The following SLC13A5 variants were observed in gnomAD, a reference collection of about 807,000 sequenced individuals.
The protein encoded by SLC13A5 is solute carrier family 13 member 5, also known as Na(+)/citrate cotransporter.
Under a neutral mutation model 56.5 loss-of-function variants are expected in SLC13A5, and 25 were observed. The observed-to-expected ratio is 0.44, with a 90% CI of 0.32 to 0.62. The LOEUF is 0.62. SLC13A5 is among the 20% of genes least tolerant of loss of function. The pLI, the probability that SLC13A5 is intolerant of heterozygous loss-of-function variation, is 0.04. For synonymous variants in SLC13A5, 307 were observed against 301.5 expected, an observed-to-expected ratio of 1.02 and a Z score of -0.19; for missense variants, 649 against 737.8, an observed-to-expected ratio of 0.88 and a Z score of 1.39.
chr17:6,698,692 A>T (rs2151489913), intron 6 of SLC13A5, among the ~76,000 whole-genome samples: 1 of 152,294 alleles, frequency 6.6e-6, no homozygotes, highest in Non-Finnish European at 1.5e-5. Context: ...GTAAATTGGG[A>T]ATAATAATAA....
intron 3 of SLC13A5, 89 bp downstream of exon 3, chr17:6,706,553 T>A (rs1973868068): frequency 6.6e-7 from 1 of 1,522,314 alleles, no homozygotes; most frequent in Non-Finnish European, 8.9e-7. Context: ...CCCTCACCAG[T>A]GGATGGCCTG....
Position 6,694,251 on chromosome 17 carries a change from C to G in SLC13A5, c.1056-54G>C, listed in dbSNP as rs564583083. 3.2e-5 allele frequency: 33 copies of G among 1,038,318 alleles called. 2 individuals carry two copies. In the South Asian group the frequency reaches 4.2e-4, roughly 13 times the overall value. 64.3% of individuals were successfully genotyped at this position (1,038,318 alleles called of 1,614,324 possible). Reference sequence around the variant, plus strand: ...CGACAGAGACAGTCACTCAACAAACCCATCACAACTCCGGCAGTTCTGTGT... The same window carrying G: ...CGACAGAGACAGTCACTCAACAAACGCATCACAACTCCGGCAGTTCTGTGT... On this transcript the variant is annotated intron_variant, in intron 7 of 11. Coordinates refer to ENST00000433363, the MANE Select transcript of SLC13A5 (RefSeq NM_177550.5).
At position 6,690,817 on chromosome 17, in the gene SLC13A5, C is replaced by T. The variant is rs1406738988; in HGVS notation, c.1399G>A (p.Ala467Thr). Residue 467 changes from alanine to threonine, a missense_variant, in exon 10 of 12, where the codon GCC becomes ACC. Transcript: ENST00000433363. ...ATGGGCAGGAACAAGGTGGTGGTGG[C>T]CACGTTGCTTGTGCACTCAGTGAAC... is the stretch of plus-strand genomic sequence containing the variant. Reference protein sequence around the residue: ...AVFTECTSNVATTTLFLPIFA... With the variant: ...AVFTECTSNVTTTTLFLPIFA... 1 of 1,614,206 alleles carries T rather than the reference C, an allele frequency of 6.2e-7. No homozygotes were observed. The highest frequency in any genetic ancestry group is 1.3e-5 in the African/African-American group (1 of 75,064).
chr17:6,688,254 A>G (rs958233255), intron 10 of SLC13A5: 5 of 152,262 alleles, frequency 3.3e-5, no homozygotes, highest in African/African-American at 1.2e-4. Flanking sequence ...TATCATGCAC[A>G]TGAGGGCAGA....
Position 6,713,298 on chromosome 17 carries a change from C to G in SLC13A5, c.36G>C (p.Lys12Asn), listed in dbSNP as rs774282356. Residue 12 changes from lysine to asparagine, a missense_variant, in exon 1 of 12, where the codon AAG (lysine) becomes AAC (asparagine). Coordinates refer to ENST00000433363, the MANE Select transcript of SLC13A5 (RefSeq NM_177550.5). This position sits in a 1 kb window ranked among gnomAD's most constrained non-coding sequence, Gnocchi z 7.3. ...ASALSYVSKF[K>N]SFVILFVTPL... ...GGGTGACGAACAAGATCACGAAGGA[C>G]TTGAACTTGGAGACATAGCTCAGCG... 1 of 1,614,050 alleles carries G rather than the reference C, an allele frequency of 6.2e-7. No homozygotes were observed. The highest frequency in any genetic ancestry group is 8.5e-7 in the Non-Finnish European group (1 of 1,179,938).
intron 1 of SLC13A5, among the ~76,000 whole-genome samples, chr17:6,712,153 G>A (rs1372886142): frequency 6.6e-6 from 1 of 152,230 alleles, no homozygotes; most frequent in Admixed American, 6.5e-5. Flanking sequence ...AATGGTGGAA[G>A]TCCAGTTCTC....
chr17:6,686,500 A>G (rs1711606591), intron 11 of SLC13A5, 162 bp from the exon 12 acceptor site: 1 of 768,334 alleles, frequency 1.3e-6, no homozygotes. Context: ...CATGTCCCCC[A>G]GGTATCCTCA....
chr17:6,686,241 G>A lies in SLC13A5; in HGVS notation c.1673C>T (p.Pro558Leu), dbSNP rs769020153. 5 of 1,614,034 alleles carry A rather than the reference G, an allele frequency of 3.1e-6. No homozygotes were observed. In the African/African-American group the frequency reaches 4.0e-5, roughly 13 times the overall value. ...GRAIFDLDHF[P>L]DWANVTHIET is the part of the protein sequence containing the mutation. The stretch of plus-strand genomic sequence containing the variant: ...AATATGTGTCACATTAGCCCAGTCA[G>A]GGAAATGATCCAAGTCAAATATGGC... Residue 558 changes from proline to leucine, a missense_variant, in exon 12 of 12, where the codon CCT becomes CTT. Transcript: ENST00000433363.
chr17:6,704,475 C>T (rs1312240571), intron 3 of SLC13A5: 1 of 339,716 alleles, frequency 2.9e-6, no homozygotes, highest in Admixed American at 3.8e-5. Context: ...CTTCCCACTT[C>T]TGGCTAGGAA....
At position 6,686,108 on chromosome 17, in the gene SLC13A5, A is replaced by G. The variant is rs1973241168; in HGVS notation, c.*99T>C. Reference sequence around the variant, plus strand: ...GGTGGTGTGTGGACATCGTTGGGTCATTTTGGGGTGTGAACCCCAAAACTC... The same window carrying G: ...GGTGGTGTGTGGACATCGTTGGGTCGTTTTGGGGTGTGAACCCCAAAACTC... On this transcript the variant is annotated 3_prime_UTR_variant, in exon 12 of 12. Transcript: ENST00000433363. The G allele has an allele frequency of 6.5e-7, 1 of 1,543,540 alleles. No individual in the cohort carries two copies. The highest frequency in any genetic ancestry group is 8.8e-7 in the Non-Finnish European group (1 of 1,135,322).
chr17:6,687,178 C>G lies in SLC13A5; in HGVS notation c.1575+351G>C. On this transcript the variant is annotated intron_variant, in intron 11 of 11. Coordinates refer to ENST00000433363, the MANE Select transcript of SLC13A5 (RefSeq NM_177550.5). The surrounding 1 kb of genome is among the most constrained non-coding windows in gnomAD (Gnocchi z 5.0). ...CATCCCCCTGCTGCCTAAGCCTGCC[C>G]TGCCTATCTTCATGGTTCTTGCTAA... 3.8e-6 allele frequency: 1 copy of G among 264,716 alleles called. No homozygotes were observed. Among genetic ancestry groups the G allele is most frequent in the South Asian group, 4.0e-5 (1 of 24,716 alleles). The allele number at this position is 264,716 out of a possible 1,614,324, so 16.4% of individuals were successfully genotyped here.
intron 7 of SLC13A5, chr17:6,695,472 C>T (rs558282188): frequency 4.8e-6 from 2 of 416,450 alleles, no homozygotes; most frequent in South Asian, 4.8e-5. Context: ...TCACTGCAAC[C>T]TCTGCCTCCT....
chr17:6,687,670 CG>C lies in SLC13A5; in HGVS notation c.1438-5del, dbSNP rs751521595. On this transcript the variant is annotated splice_polypyrimidine_tract_variant and splice_region_variant and intron_variant, in intron 10 of 11. Coordinates refer to ENST00000433363, the MANE Select transcript of SLC13A5 (RefSeq NM_177550.5). This position sits in a 1 kb window ranked among gnomAD's most constrained non-coding sequence, Gnocchi z 5.0. ...GATTGAGGCCGATGGAGCGAGACTG[CG>C]GAAAAACAGCACTGCAACATCACCG... 1.3e-6 allele frequency: 2 copies of C among 1,587,658 alleles called. No homozygotes were observed. Among genetic ancestry groups the C allele is most frequent in the South Asian group, 2.3e-5 (2 of 86,510 alleles).
In SLC13A5 at chr17:6,701,433, C is replaced by T. The variant is rs1388906539; in HGVS notation, c.717-307G>A. ...CTCCAGAAAAATACAACTTTGTGGC[C>T]GGGCGCAGGGGCTCACGCCTGTAAT... On this transcript the variant is annotated intron_variant, in intron 5 of 11. Transcript: ENST00000433363. The surrounding 1 kb of genome is among the most constrained non-coding windows in gnomAD (Gnocchi z 4.1). Among the ~76,000 whole-genome samples the T allele has an allele frequency of 2.6e-5, 4 of 152,176 alleles. No homozygotes were observed. Among genetic ancestry groups the T allele is most frequent in the East Asian group, 3.9e-4 (2 of 5,194 alleles).
At chr17:6,703,277 G>A (rs1221746019) in intron 4 of SLC13A5, 139 bp from the exon 5 acceptor site, 25 of 1,081,676 alleles carry the variant, frequency 2.3e-5, no homozygotes, top group South Asian at 1.2e-4. Flanking sequence ...CTCCATAAGA[G>A]TTGCTGGCAG....
At chr17:6,705,810 A>G (rs953221592) in intron 3 of SLC13A5, among the ~76,000 whole-genome samples, 2 of 152,204 alleles carry the variant, frequency 1.3e-5, no homozygotes, top group East Asian at 1.9e-4. Flanking sequence ...GAGGGGACAC[A>G]TTGTCTCAAA....
chr17:6,710,684 G>A (rs1202932000), intron 1 of SLC13A5, among the ~76,000 whole-genome samples: 7 of 151,978 alleles, frequency 4.6e-5, no homozygotes, highest in Non-Finnish European at 5.9e-5. Flanking sequence ...GATGGGAAGC[G>A]GATGTTAGAA....
At position 6,685,895 on chromosome 17, in the gene SLC13A5, G is replaced by C. The variant is rs886292151; in HGVS notation, c.*312C>G. The C allele has an allele frequency of 2.7e-6, 1 of 363,704 alleles. No individual in the cohort carries two copies. The highest frequency in any genetic ancestry group is 5.2e-6 in the Non-Finnish European group (1 of 192,034). 22.5% of individuals were successfully genotyped at this position (363,704 alleles called of 1,614,324 possible). ...GTGGGGGATGCTTGAGGCAGAGCGG[G>C]TACAGCAGCCTGCATCCTGATCCCT... On this transcript the variant is annotated 3_prime_UTR_variant, in exon 12 of 12. Coordinates refer to ENST00000433363, the MANE Select transcript of SLC13A5 (RefSeq NM_177550.5). The surrounding 1 kb of genome is among the most constrained non-coding windows in gnomAD (Gnocchi z 4.2).
At position 6,694,097 on chromosome 17, in the gene SLC13A5, C is replaced by T; in HGVS notation, c.1156G>A (p.Glu386Lys). ...TGGGCGATCAGAACAGGAGACTTAC[C>T]TTCCTCAGTCTGGCTGCGGAAGTTA... Reference protein sequence around the residue: ...KFNFRSQTEEERKTPFYPPPL... With the variant: ...KFNFRSQTEEKRKTPFYPPPL... Residue 386 changes from glutamate (E) to lysine (K), a missense_variant and splice_region_variant, in exon 8 of 12, where the codon GAA (glutamate) becomes AAA (lysine). Coordinates refer to ENST00000433363, the MANE Select transcript of SLC13A5 (RefSeq NM_177550.5). 1.2e-6 allele frequency: 2 copies of T among 1,608,696 alleles called. No homozygotes were observed. The highest frequency in any genetic ancestry group is 1.7e-6 in the Non-Finnish European group (2 of 1,175,648).
Sources: gnomAD v4.1 joint callset for allele counts (sites outside exome capture counted in the v4.1 genomes callset) on GRCh38, gnomAD v4.1.1 for gene constraint, Gnocchi (gnomAD v3.1) non-coding constraint, MANE v1.5 for transcripts, NCBI Gene and HGNC (gene_info 2026-07-23, HGNC 2026-07-21) for gene names.